Variants in EOGT observed in about 807,000 individuals in gnomAD.
The protein encoded by EOGT is EGF domain specific O-linked N-acetylglucosamine transferase.
Under a neutral mutation model 70.5 loss-of-function variants are expected in EOGT, and 55 were observed. The observed-to-expected ratio is 0.78, with a 90% confidence interval of 0.63 to 0.98. EOGT has a LOEUF of 0.98. Ranked by LOEUF, EOGT falls within the 50% of genes least tolerant of loss-of-function variation. The probability of loss-of-function intolerance (pLI) is 0.00; values close to 1 mark genes in which losing one functional copy is unlikely to be tolerated. For synonymous variants in EOGT, 246 were observed against 217.1 expected (o/e 1.13, Z -1.17); for missense variants, 703 against 641.9 (o/e 1.10, Z -1.03).
chr3:69,009,167 C>T (rs553231949), intron 4 of EOGT, among the ~76,000 whole-genome samples: 3 of 152,164 alleles, frequency 2.0e-5, no homozygotes, highest in Non-Finnish European at 4.4e-5. Flanking sequence ...TGTGAGATGT[C>T]TTAATGGGCT....
intron 6 of EOGT, among the ~76,000 whole-genome samples, chr3:69,005,559 A>G (rs911667402): frequency 6.6e-6 from 1 of 152,214 alleles, no homozygotes; most frequent in African/African-American, 2.4e-5. Flanking sequence ...ACCCAGATCC[A>G]GTACTACTAC....
At chr3:69,007,892 G>C in intron 5 of EOGT, 71 bp from the exon 6 acceptor site, 3 of 1,061,458 alleles carry the variant, frequency 2.8e-6, no homozygotes, top group South Asian at 3.1e-5. Context: ...TCATTCTAAA[G>C]GTTAAAATGC....
intron 15 of EOGT, 109 bp from the exon 16 acceptor site, chr3:68,979,896 T>G (rs1266651005): frequency 1.9e-6 from 2 of 1,025,902 alleles, no homozygotes; most frequent in Non-Finnish European, 2.7e-6. Flanking sequence ...ATTGCCCATT[T>G]TAAACCACAT....
Position 69,008,469 on chromosome 3 carries a change from G to C in EOGT, c.270C>G (p.Phe90Leu), listed in dbSNP as rs757049337. Residue 90 changes from phenylalanine (F) to leucine (L), a missense_variant, in exon 5 of 18, where the codon TTC becomes TTG. Physicochemically the swap from Phe to Leu is conservative, Grantham distance 22. Coordinates refer to ENST00000383701, the MANE Select transcript of EOGT (RefSeq NM_001278689.2). The part of the protein sequence containing the change: ...WGYEKSCKPE[F>L]RFGYPVCSYV... ...AGCTGCAAACTGGGTAACCAAACCT[G>C]AACTCTGGTTTGCAGGATTTCTCAT... 5 of 1,614,118 alleles carry C rather than the reference G, an allele frequency of 3.1e-6. No individual in the cohort carries two copies. The highest frequency in any genetic ancestry group is 1.1e-5 in the South Asian group (1 of 91,070).
At chr3:68,993,190 T>A (rs2091045249) in intron 10 of EOGT, among the ~76,000 whole-genome samples, 3 of 152,232 alleles carry the variant, frequency 2.0e-5, no homozygotes, top group Non-Finnish European at 4.4e-5. Context: ...TTGGTTTTTA[T>A]TTTCTATTGC....
At chr3:68,994,272 A>G (rs1014629165) in intron 10 of EOGT, among the ~76,000 whole-genome samples, 7 of 152,158 alleles carry the variant, frequency 4.6e-5, no homozygotes, top group African/African-American at 1.7e-4. Context: ...TGAGCCCAGG[A>G]GAGCAAGGCT....
chr3:69,004,622 G>C (rs2091391503), intron 7 of EOGT, 140 bp from the exon 8 acceptor site: 1 of 639,312 alleles, frequency 1.6e-6, no homozygotes, highest in Non-Finnish European at 2.7e-6. Flanking sequence ...AAAATTTCAA[G>C]TGTATATGAA....
intron 13 of EOGT, chr3:68,987,917 GT>G: frequency 3.1e-6 from 1 of 322,586 alleles, no homozygotes; most frequent in South Asian, 4.8e-5. Context: ...GTCAGAAAAT[GT>G]TTTTGGGTTT....
chr3:68,999,082 C>G (rs1034220141), intron 9 of EOGT, among the ~76,000 whole-genome samples: 1 of 152,190 alleles, frequency 6.6e-6, no homozygotes, highest in African/African-American at 2.4e-5. Flanking sequence ...AATTCCAGCA[C>G]AGCCAAGCAT....
intron 9 of EOGT, among the ~76,000 whole-genome samples, chr3:68,998,627 G>C (rs1281548172): frequency 4.6e-5 from 7 of 152,070 alleles, no homozygotes; most frequent in African/African-American, 1.7e-4. Context: ...GCTGAGGCAG[G>C]CCAATCACTT....
intron 1 of EOGT, among the ~76,000 whole-genome samples, chr3:69,013,165 G>A (rs1253743181): frequency 6.6e-6 from 1 of 152,062 alleles, no homozygotes; most frequent in African/African-American, 2.4e-5. Context: ...CTGGGGTTCC[G>A]GACCCCGGGC....
rs532977931 is a variant in EOGT at position 69,000,949 on chromosome 3, G to T, written c.727+659C>A. Among the ~76,000 whole-genome samples the T allele has an allele frequency of 8.6e-5, 13 of 151,704 alleles. 1 individual carries two copies. The South Asian group carries it at 2.5e-3, about 29-fold the overall frequency. On this transcript the variant is annotated intron_variant, in intron 9 of 17. Coordinates refer to ENST00000383701, the MANE Select transcript of EOGT (RefSeq NM_001278689.2). ...TCTTTCCCACCCATACTATACACAT[G>T]GCTTTTGATTTTTTTTTTTTTTTTT...
Position 68,988,937 on chromosome 3 carries a change from A to T in EOGT, c.912T>A (p.Tyr304Ter). The stretch of plus-strand genomic sequence containing the variant: ...AAATTTCCAGTACCCTTTTGGAATC[A>T]TAAGTTTTCAAATGTATAACGTCAT... The part of the protein sequence containing the change: ...TDYDVIHLKT[Y>*]DSKRVCFKEA... The change falls in exon 11 of 18, where the codon TAT becomes TAA. Residue 304 changes from tyrosine (Y) to a stop codon, truncating the protein, a stop_gained. Coordinates refer to ENST00000383701, the MANE Select transcript of EOGT (RefSeq NM_001278689.2). LOFTEE classifies it high-confidence loss of function. 2.6e-6 allele frequency: 4 copies of T among 1,518,178 alleles called. No homozygotes were observed. Among genetic ancestry groups the T allele is most frequent in the South Asian group, 2.4e-5 (2 of 81,972 alleles). The allele number at this position is 1,518,178 out of a possible 1,614,324, so 94.0% of individuals were successfully genotyped here. A position where few individuals can be genotyped will look rare whatever the true frequency, so the allele number is the denominator to read the frequency against.
Position 68,975,380 on chromosome 3 carries a change from T to C in EOGT, c.*2238A>G, listed in dbSNP as rs2090448554. ...AAAAGTCTCATAAAATTCCATAAAG[T>C]GTCAAATGTATTTTCCTGTTTATAT... On this transcript the variant is annotated 3_prime_UTR_variant, in exon 18 of 18. Transcript: ENST00000383701. The C allele has an allele frequency of 6.6e-6, 1 of 152,654 alleles. No individual in the cohort carries two copies. Among genetic ancestry groups the C allele is most frequent in the African/African-American group, 2.4e-5 (1 of 41,460 alleles). The allele number at this position is 152,654 out of a possible 1,614,324, so 9.5% of individuals were successfully genotyped here. A position where few individuals can be genotyped will look rare whatever the true frequency, so the allele number is the denominator to read the frequency against.
chr3:68,999,663 T>C (rs1260773993), intron 9 of EOGT, among the ~76,000 whole-genome samples: 1 of 152,156 alleles, frequency 6.6e-6, no homozygotes, highest in Non-Finnish European at 1.5e-5. Context: ...AAAGAATATA[T>C]TTTCAAATTA....
intron 10 of EOGT, among the ~76,000 whole-genome samples, chr3:68,993,542 A>G (rs2091056971): frequency 1.3e-5 from 2 of 152,136 alleles, no homozygotes. Flanking sequence ...GAAGTTGCAA[A>G]CTTTCCCACA....
rs760709723 is a variant in EOGT, at chr3:69,004,315, T to C, written c.620+63A>G. 1.6e-4 allele frequency: 194 copies of C among 1,198,062 alleles called. 1 individual carries two copies. Among genetic ancestry groups the C allele is most frequent in the Middle Eastern group, 9.7e-4 (5 of 5,156 alleles). 74.2% of individuals were successfully genotyped at this position (1,198,062 alleles called of 1,614,324 possible). On this transcript the variant is annotated intron_variant, in intron 8 of 17. Transcript: ENST00000383701. ...TTTTCCATTTGAGAGTCTCCATTAA[T>C]ATCTGCAAGTGCCGTAAATAAAGGC... is the stretch of plus-strand genomic sequence containing the variant.
At chr3:69,000,957 ATT>A (rs765794230) in intron 9 of EOGT, among the ~76,000 whole-genome samples, 21 of 138,254 alleles carry the variant, frequency 1.5e-4, no homozygotes, top group Non-Finnish European at 1.3e-4. Context: ...ATGGCTTTTG[ATT>A]TTTTTTTTTT....
chr3:68,995,690 A>C (rs1465418477), intron 10 of EOGT, among the ~76,000 whole-genome samples: 2 of 152,210 alleles, frequency 1.3e-5, no homozygotes, highest in Non-Finnish European at 2.9e-5. Context: ...AGCTTCTGGA[A>C]GCCATCTGAT....
Sources: gnomAD v4.1 joint callset for allele counts (sites outside exome capture counted in the v4.1 genomes callset) on GRCh38, gnomAD v4.1.1 for gene constraint, MANE v1.5 for transcripts, NCBI Gene and HGNC (gene_info 2026-07-23, HGNC 2026-07-21) for gene names.